Variants in GLIS1 observed in about 807,000 individuals in gnomAD.
GLIS1 encodes zinc finger protein GLIS1.
In GLIS1, 24 loss-of-function variants were observed where a neutral mutation model predicts 63.8. That is an observed-to-expected ratio of 0.38 (90% confidence interval 0.27 to 0.53). GLIS1 has a LOEUF of 0.53. GLIS1 is among the 20% of genes least tolerant of loss of function. The pLI, the probability that GLIS1 is intolerant of heterozygous loss-of-function variation, is 0.85. For synonymous variants in GLIS1, 450 were observed against 482.5 expected (o/e 0.93, Z 0.88); for missense variants, 1,036 against 1,074.1 (o/e 0.96, Z 0.50).
At chr1:53,584,625 G>A (rs771589073) in intron 4 of GLIS1, among the ~76,000 whole-genome samples, 4 of 152,206 alleles carry the variant, frequency 2.6e-5, no homozygotes, top group Non-Finnish European at 4.4e-5. Context: ...GTGGCCAGGT[G>A]GGGGTGGACA....
chr1:53,685,462 A>C (rs1646326413), intron 2 of GLIS1, among the ~76,000 whole-genome samples: 1 of 152,192 alleles, frequency 6.6e-6, no homozygotes, highest in African/African-American at 2.4e-5. Flanking sequence ...GGCAATGTTT[A>C]ATCAGAGCCT....
chr1:53,571,522 T>C (rs1043774198), intron 4 of GLIS1, among the ~76,000 whole-genome samples: 1 of 152,192 alleles, frequency 6.6e-6, no homozygotes, highest in African/African-American at 2.4e-5. Flanking sequence ...TCACAGAATG[T>C]AATAGTATAC....
intron 2 of GLIS1, among the ~76,000 whole-genome samples, chr1:53,710,414 C>G (rs1430895571): frequency 6.6e-6 from 1 of 152,256 alleles, no homozygotes; most frequent in Non-Finnish European, 1.5e-5. Flanking sequence ...TCATAACAAG[C>G]CTGCAAGGCA....
At chr1:53,625,657 T>C (rs1449729044) in intron 2 of GLIS1, among the ~76,000 whole-genome samples, 1 of 152,242 alleles carries the variant, frequency 6.6e-6, no homozygotes, top group Non-Finnish European at 1.5e-5. Context: ...GAGCTCCTAT[T>C]GTGTCTGGAG....
intron 4 of GLIS1, among the ~76,000 whole-genome samples, chr1:53,544,001 G>A (rs1234090506): frequency 6.6e-6 from 1 of 152,220 alleles, no homozygotes; most frequent in African/African-American, 2.4e-5. Context: ...GAGAACCAAG[G>A]GGTGGCGGGA....
At chr1:53,557,390 C>A (rs1644845262) in intron 4 of GLIS1, among the ~76,000 whole-genome samples, 1 of 152,140 alleles carries the variant, frequency 6.6e-6, no homozygotes, top group African/African-American at 2.4e-5. Context: ...ATAGTCATAG[C>A]AATTGGGATT....
chr1:53,642,512 C>T (rs1645798263), intron 2 of GLIS1, among the ~76,000 whole-genome samples: 2 of 152,206 alleles, frequency 1.3e-5, no homozygotes, highest in Non-Finnish European at 2.9e-5. Context: ...ATTCTCAAGA[C>T]TTTACAGAAG....
chr1:53,585,494 T>G (rs1305431746), intron 4 of GLIS1, among the ~76,000 whole-genome samples: 16 of 64,958 alleles, frequency 2.5e-4, no homozygotes, highest in South Asian at 1.1e-3. Context: ...GGGAAAGGGG[T>G]GGGGGGTCAG....
At chr1:53,569,486 T>A (rs1949944) in intron 4 of GLIS1, among the ~76,000 whole-genome samples, 68,479 of 151,502 alleles carry the variant, frequency 0.45, 16,678 homozygotes, top group African/African-American at 0.62. Context: ...TTTTTTTTTT[T>A]AAAAAAGCCT....
Position 53,510,609 on chromosome 1 carries a change from C to T in GLIS1, c.1884-582G>A, listed in dbSNP as rs1644289305. On this transcript the variant is annotated intron_variant, in intron 8 of 10. Coordinates refer to ENST00000628545, the MANE Select transcript of GLIS1 (RefSeq NM_001367484.1). ...CTCAGAGAGCTTTGCCCAAGTTACT[C>T]CCAGCCACACAACATCTCAGGGGTT... Among the ~76,000 whole-genome samples, 2 of 152,160 alleles carry T rather than the reference C, an allele frequency of 1.3e-5. 1 individual carries two copies. Among genetic ancestry groups the T allele is most frequent in the South Asian group, 4.1e-4 (2 of 4,828 alleles).
intron 2 of GLIS1, among the ~76,000 whole-genome samples, chr1:53,628,518 G>C (rs545927623): frequency 6.6e-6 from 1 of 152,106 alleles, no homozygotes; most frequent in Non-Finnish European, 1.5e-5. Context: ...GCTTACACCT[G>C]AGTACCAGTC....
intron 2 of GLIS1, among the ~76,000 whole-genome samples, chr1:53,612,094 A>T (rs532638141): frequency 2.0e-5 from 3 of 152,334 alleles, no homozygotes; most frequent in African/African-American, 7.2e-5. Context: ...AACTTCCTAA[A>T]GTCCTGAGAT....
chr1:53,724,515 G>A (rs1162626493), intron 2 of GLIS1, among the ~76,000 whole-genome samples: 1 of 152,068 alleles, frequency 6.6e-6, no homozygotes. Context: ...GATTAAACAA[G>A]ATGATCTTTT....
chr1:53,556,503 T>TGCA (rs1644829727), intron 4 of GLIS1, among the ~76,000 whole-genome samples: 1 of 135,640 alleles, frequency 7.4e-6, no homozygotes. Context: ...GGTGTGTGTG[T>TGCA]GGTGTACTGC....
chr1:53,583,749 G>A lies in GLIS1; in HGVS notation c.1320+10359C>T, dbSNP rs530418300. ...GAATGTATTGCGAGGAGGAGGGGCCGGGAAAGTCGGTGCCTTAATCACTTA... is the reference window on the plus strand; with the variant it reads ...GAATGTATTGCGAGGAGGAGGGGCCAGGAAAGTCGGTGCCTTAATCACTTA... On this transcript the variant is annotated intron_variant, in intron 4 of 10. Transcript: ENST00000628545. 5.3e-5 allele frequency among the ~76,000 whole-genome samples: 8 copies of A among 152,338 alleles called. No homozygotes were observed. In the East Asian group the frequency reaches 1.2e-3, roughly 22 times the overall value.
chr1:53,719,323 G>A (rs1490189362), intron 2 of GLIS1, among the ~76,000 whole-genome samples: 3 of 152,180 alleles, frequency 2.0e-5, no homozygotes, highest in Non-Finnish European at 4.4e-5. Flanking sequence ...TTGAGTTGAG[G>A]TAAGGAAAAA....
intron 2 of GLIS1, among the ~76,000 whole-genome samples, chr1:53,600,883 C>G (rs1047713993): frequency 6.6e-6 from 1 of 152,218 alleles, no homozygotes; most frequent in African/African-American, 2.4e-5. Context: ...TCTTCCACAG[C>G]CTGCCTCATG....
At chr1:53,531,422 G>C (rs565556904) in intron 4 of GLIS1, among the ~76,000 whole-genome samples, 5 of 152,340 alleles carry the variant, frequency 3.3e-5, no homozygotes, top group African/African-American at 1.2e-4. Flanking sequence ...GCGGGGAGTA[G>C]GGGGAGGAGC....
At chr1:53,661,999 G>A (rs1291729968) in intron 2 of GLIS1, among the ~76,000 whole-genome samples, 1 of 152,210 alleles carries the variant, frequency 6.6e-6, no homozygotes, top group African/African-American at 2.4e-5. Flanking sequence ...ACAGACCTCT[G>A]CTCAACACAG....
Sources: gnomAD v4.1 joint callset for allele counts (sites outside exome capture counted in the v4.1 genomes callset) on GRCh38, gnomAD v4.1.1 for gene constraint, MANE v1.5 for transcripts, NCBI Gene and HGNC (gene_info 2026-07-23, HGNC 2026-07-21) for gene names.